The following CELSR3 variants were observed in gnomAD, a reference collection of about 807,000 sequenced individuals.
CELSR3 encodes the protein cadherin EGF LAG seven-pass G-type receptor 3.
A neutral mutation model predicts 270.0 loss-of-function variants in CELSR3; 73 were observed. The ratio of observed to expected loss-of-function variants is 0.27; its 90% CI spans 0.22 to 0.33. The LOEUF (loss-of-function observed/expected upper bound fraction) is 0.33, where lower values mean the gene tolerates loss of function less well. Ranked by LOEUF, CELSR3 falls within the 10% of genes least tolerant of loss-of-function variation. The probability of loss-of-function intolerance (pLI) is 1.00; values close to 1 mark genes in which losing one functional copy is unlikely to be tolerated. For missense variants in CELSR3, 3,614 were observed against 4,533.8 expected (o/e 0.80, Z 5.83); for synonymous variants, 1,780 against 1,905.4 (o/e 0.93, Z 1.71).
chr3:48,656,396 A>ACGCCCACGCC, intron 2 of CELSR3, 31 bp from the exon 3 acceptor site: 1 of 1,389,606 alleles, frequency 7.2e-7, no homozygotes, highest in Non-Finnish European at 9.2e-7. Flanking sequence ...AGAGGCGGTC[A>ACGCCCACGCC]CGCCCACGCC....
At position 48,652,337 on chromosome 3, in the gene CELSR3, C is replaced by G; in HGVS notation, c.5751+100G>C. The G allele has an allele frequency of 9.9e-7, 1 of 1,011,872 alleles. No homozygotes were observed. Among genetic ancestry groups the G allele is most frequent in the Non-Finnish European group, 1.6e-6 (1 of 637,096 alleles). 62.7% of individuals were successfully genotyped at this position (1,011,872 alleles called of 1,614,324 possible). ...ACTCTGGGTCATTCACCCCCTCGCA[C>G]CAACCCCCACTTGAATACTGCCTTT... is the stretch of plus-strand genomic sequence containing the variant. On this transcript the variant is annotated intron_variant, in intron 11 of 34. Transcript: ENST00000164024. The surrounding 1 kb of genome is among the most constrained non-coding windows in gnomAD (Gnocchi z 4.3).
chr3:48,648,238 G>GCCCCCCCCCCC, intron 19 of CELSR3, 28 bp downstream of exon 19: 5 of 1,342,618 alleles, frequency 3.7e-6, no homozygotes, highest in Admixed American at 1.7e-5. Context: ...CCCCTGCTGT[G>GCCCCCCCCCCC]CCCCGCCCTA....
Position 48,654,456 on chromosome 3 carries a change from G to A in CELSR3, c.4989-4C>T. ...AGGGCCCGTCAGGTCCAGGGACCTGGGGATCAGGGGTCTGGGTCATTGGTG... is the reference window on the plus strand; with the variant it reads ...AGGGCCCGTCAGGTCCAGGGACCTGAGGATCAGGGGTCTGGGTCATTGGTG... On this transcript the variant is annotated splice_region_variant and splice_polypyrimidine_tract_variant and intron_variant, in intron 6 of 34. Transcript: ENST00000164024. The surrounding 1 kb of genome is among the most constrained non-coding windows in gnomAD (Gnocchi z 5.4). 3 of 1,572,894 alleles carry A rather than the reference G, an allele frequency of 1.9e-6. No homozygotes were observed. Among genetic ancestry groups the A allele is most frequent in the Non-Finnish European group, 2.6e-6 (3 of 1,156,996 alleles).
Position 48,651,572 on chromosome 3 carries a change from CTT to C in CELSR3, c.6065+3_6065+4del. On this transcript the variant is annotated splice_donor_region_variant and intron_variant, in intron 13 of 34. Coordinates refer to ENST00000164024, the MANE Select transcript of CELSR3 (RefSeq NM_001407.3). The surrounding 1 kb of genome is among the most constrained non-coding windows in gnomAD (Gnocchi z 7.4). Reference sequence around the variant, plus strand: ...CTCCCCATCGCCTCAGCCCCAGCCTCTTACCTGTGCTCACAGTGGTGCCCGAA... The same window carrying C: ...CTCCCCATCGCCTCAGCCCCAGCCTCACCTGTGCTCACAGTGGTGCCCGAA... 6.3e-7 allele frequency: 1 copy of C among 1,580,676 alleles called. No individual in the cohort carries two copies. Among genetic ancestry groups the C allele is most frequent in the South Asian group, 1.2e-5 (1 of 86,144 alleles).
rs775682700 is a variant in CELSR3, at chr3:48,646,831, AATG to A, written c.7224_7226del (p.Ile2409del). 2 of 1,604,278 alleles carry A rather than the reference AATG, an allele frequency of 1.2e-6. No homozygotes were observed. The highest frequency in any genetic ancestry group is 3.4e-5 in the Admixed American group (2 of 58,484). On this transcript the variant is annotated inframe_deletion, in exon 21 of 35. Coordinates refer to ENST00000164024, the MANE Select transcript of CELSR3 (RefSeq NM_001407.3). The surrounding 1 kb of genome is among the most constrained non-coding windows in gnomAD (Gnocchi z 4.8). Reference sequence around the variant, plus strand: ...CCCCTAAGGTGCGGTAAACGAGGAGAATGATAATGGAGATCCCAGGCTCTGGCT... The same window carrying A: ...CCCCTAAGGTGCGGTAAACGAGGAGAATAATGGAGATCCCAGGCTCTGGCT...
Position 48,650,433 on chromosome 3 carries a change from A to AGGGGGGGGGGGGGGGGGGGGGGGGGGG in CELSR3, c.6472+46_6472+47insCCCCCCCCCCCCCCCCCCCCCCCCCCC. 7 of 927,810 alleles carry AGGGGGGGGGGGGGGGGGGGGGGGGGGG rather than the reference A, an allele frequency of 7.5e-6. No homozygotes were observed. The highest frequency in any genetic ancestry group is 3.2e-5 in the East Asian group (1 of 31,406). The allele number at this position is 927,810 out of a possible 1,614,324, so 57.5% of individuals were successfully genotyped here. On this transcript the variant is annotated intron_variant, in intron 16 of 34. Transcript: ENST00000164024. This position sits in a 1 kb window ranked among gnomAD's most constrained non-coding sequence, Gnocchi z 5.1. ...GACATGGCTCTAGCAGTCAGAGTAC[A>AGGGGGGGGGGGGGGGGGGGGGGGGGGG]GGCCCACCCCCACCCTCAGTGATGT...
rs776774321 is a variant in CELSR3 at position 48,656,809 on chromosome 3, C to T, written c.4288G>A (p.Asp1430Asn). 2 of 1,606,226 alleles carry T rather than the reference C, an allele frequency of 1.2e-6. No homozygotes were observed. The highest frequency in any genetic ancestry group is 2.7e-5 in the African/African-American group (2 of 74,858). ...RCRCPPGFTG[D>N]FCETELDLCY... Reference sequence around the variant, plus strand: ...AGGTCGAGCTCGGTCTCGCAAAAGTCTCCCGTGAATCCGGGCGGGCAGCGG... The same window carrying T: ...AGGTCGAGCTCGGTCTCGCAAAAGTTTCCCGTGAATCCGGGCGGGCAGCGG... The change falls in exon 2 of 35, where the codon GAC becomes AAC. Residue 1430 changes from aspartate to asparagine, a missense_variant. This residue lies in a region of CELSR3 where 1,331 missense variants were observed against 1,933.7 expected (regional missense o/e 0.69). Transcript: ENST00000164024.
In CELSR3 at chr3:48,662,653, GCCTCCACCGCC is replaced by G; in HGVS notation, c.-30_-20del. ...CCATCATCCCCCGCCTCCCTGCACG[GCCTCCACCGCC>G]CCCCGCCCCGGTCCGGGCCTTGGGC... On this transcript the variant is annotated 5_prime_UTR_variant, in exon 1 of 35. Transcript: ENST00000164024. This position sits in a 1 kb window ranked among gnomAD's most constrained non-coding sequence, Gnocchi z 7.1. The G allele has an allele frequency of 8.0e-7, 1 of 1,243,562 alleles. No homozygotes were observed. Among genetic ancestry groups the G allele is most frequent in the Non-Finnish European group, 1.1e-6 (1 of 939,082 alleles). 77.0% of individuals were successfully genotyped at this position (1,243,562 alleles called of 1,614,324 possible). A position where few individuals can be genotyped will look rare whatever the true frequency, so the allele number is the denominator to read the frequency against.
Position 48,652,633 on chromosome 3 carries a change from T to C in CELSR3, c.5635-80A>G. On this transcript the variant is annotated intron_variant, in intron 10 of 34. Coordinates refer to ENST00000164024, the MANE Select transcript of CELSR3 (RefSeq NM_001407.3). The surrounding 1 kb of genome is among the most constrained non-coding windows in gnomAD (Gnocchi z 4.3). ...CATAGCCCAGAGTCAGTCTTGGCCT[T>C]CTTCTAGCCCTTCTAGGCTGCCCCC... The C allele has an allele frequency of 8.8e-7, 1 of 1,142,330 alleles. No homozygotes were observed. The highest frequency in any genetic ancestry group is 1.2e-6 in the Non-Finnish European group (1 of 802,776). 70.8% of individuals were successfully genotyped at this position (1,142,330 alleles called of 1,614,324 possible). A position where few individuals can be genotyped will look rare whatever the true frequency, so the allele number is the denominator to read the frequency against.
chr3:48,658,013 C>A lies in CELSR3; in HGVS notation c.3749-665G>T, dbSNP rs1386344703. On this transcript the variant is annotated intron_variant, in intron 1 of 34. Transcript: ENST00000164024. The surrounding 1 kb of genome is among the most constrained non-coding windows in gnomAD (Gnocchi z 4.7). Reference sequence around the variant, plus strand: ...ACACCAGCATTCTTGAGTTAGCAGCCTGCTCGCCACTCCAGACCTGGGTCC... The same window carrying A: ...ACACCAGCATTCTTGAGTTAGCAGCATGCTCGCCACTCCAGACCTGGGTCC... 2.0e-5 allele frequency among the ~76,000 whole-genome samples: 3 copies of A among 152,130 alleles called. No homozygotes were observed. Among genetic ancestry groups the A allele is most frequent in the Admixed American group, 2.0e-4 (3 of 15,284 alleles).
chr3:48,659,482 G>C lies in CELSR3; in HGVS notation c.3153C>G (p.Val1051=). The C allele has an allele frequency of 6.2e-7, 1 of 1,614,232 alleles. No individual in the cohort carries two copies. The highest frequency in any genetic ancestry group is 8.5e-7 in the Non-Finnish European group (1 of 1,180,046). ...CATCCTGCACCATCACCTGGATACTGACTGGAGTCCGGAGTGGGGGCACAC... is the reference window on the plus strand; with the variant it reads ...CATCCTGCACCATCACCTGGATACTCACTGGAGTCCGGAGTGGGGGCACAC... ...DRGVPPLRTP[V]SIQVMVQDVN... The change falls in exon 1 of 35, where the codon GTC becomes GTG. Residue 1051 remains valine, a synonymous_variant. Coordinates refer to ENST00000164024, the MANE Select transcript of CELSR3 (RefSeq NM_001407.3). This position sits in a 1 kb window ranked among gnomAD's most constrained non-coding sequence, Gnocchi z 8.1.
Position 48,652,080 on chromosome 3 carries a change from C to T in CELSR3, c.5752-32G>A, listed in dbSNP as rs760359571. On this transcript the variant is annotated intron_variant, in intron 11 of 34. Coordinates refer to ENST00000164024, the MANE Select transcript of CELSR3 (RefSeq NM_001407.3). The surrounding 1 kb of genome is among the most constrained non-coding windows in gnomAD (Gnocchi z 4.3). ...ACACACAGCCAGCAAGGGGTGAGAC[C>T]ATGTTAAGGCACCTCAGCCTCAAGT... is the stretch of plus-strand genomic sequence containing the variant. 22 of 1,496,612 alleles carry T rather than the reference C, an allele frequency of 1.5e-5. No individual in the cohort carries two copies. Among genetic ancestry groups the T allele is most frequent in the Non-Finnish European group, 2.0e-5 (22 of 1,126,954 alleles). The allele number at this position is 1,496,612 out of a possible 1,614,324, so 92.7% of individuals were successfully genotyped here.
In CELSR3 at chr3:48,645,196, G is replaced by T; in HGVS notation, c.7811C>A (p.Ala2604Glu). 6.3e-7 allele frequency: 1 copy of T among 1,577,944 alleles called. No individual in the cohort carries two copies. The highest frequency in any genetic ancestry group is 8.7e-7 in the Non-Finnish European group (1 of 1,155,266). ...GAAGTAGTGCAGGAGGATGGCGACT[G>T]CAGTGCACACCAGCTGAGGGCAGGG... is the stretch of plus-strand genomic sequence containing the variant. ...HRTHNQLVCT[A>E]VAILLHYFFL... Residue 2604 changes from alanine (A) to glutamate (E), a missense_variant, in exon 25 of 35, where the codon GCA (alanine) becomes GAA (glutamate). Around this residue, in one of 7 missense-constraint regions of CELSR3, gnomAD observed 1,240 missense variants for 1,351.7 expected, o/e 0.92. Coordinates refer to ENST00000164024, the MANE Select transcript of CELSR3 (RefSeq NM_001407.3). The surrounding 1 kb of genome is among the most constrained non-coding windows in gnomAD (Gnocchi z 5.4).
Position 48,661,243 on chromosome 3 carries a change from G to C in CELSR3, c.1392C>G (p.Pro464=). ...CGAAGCGGTAGCGCAGGTTGGCGTT[G>C]GGGGGCGCGTCGCCGTCAGTGGCAC... The part of the protein sequence containing the change: ...QLRATDGDAP[P]NANLRYRFVG... Residue 464 remains proline (P), a synonymous_variant, in exon 1 of 35, where the codon CCC becomes CCG. Transcript: ENST00000164024. 1 of 1,607,942 alleles carries C rather than the reference G, an allele frequency of 6.2e-7. No individual in the cohort carries two copies. The highest frequency in any genetic ancestry group is 8.5e-7 in the Non-Finnish European group (1 of 1,176,592).
At chr3:48,648,564 C>A in intron 18 of CELSR3, 103 bp from the exon 19 acceptor site, 1 of 1,387,008 alleles carries the variant, frequency 7.2e-7, no homozygotes, top group Non-Finnish European at 9.6e-7. Context: ...GGGGCTCCAA[C>A]AGGCAAGGGG....
rs2047064530 is a variant in CELSR3 at position 48,644,852 on chromosome 3, T to A, written c.7973-24A>T. Reference sequence around the variant, plus strand: ...GCCTTGGGAAGAGAAAGGGTAGGACTGAGGGTGTGTGTTCCAGAGCTGCTG... The same window carrying A: ...GCCTTGGGAAGAGAAAGGGTAGGACAGAGGGTGTGTGTTCCAGAGCTGCTG... On this transcript the variant is annotated intron_variant, in intron 25 of 34. Transcript: ENST00000164024. The surrounding 1 kb of genome is among the most constrained non-coding windows in gnomAD (Gnocchi z 4.8). 6.3e-7 allele frequency: 1 copy of A among 1,598,554 alleles called. No homozygotes were observed. Among genetic ancestry groups the A allele is most frequent in the Non-Finnish European group, 8.6e-7 (1 of 1,168,198 alleles).
chr3:48,662,375 C>T lies in CELSR3; in HGVS notation c.260G>A (p.Gly87Glu), dbSNP rs1421920109. Reference protein sequence around the residue: ...GLGVREPIFVGLRGRRQSARN... With the variant: ...GLGVREPIFVELRGRRQSARN... ...GGCGCTTTGCCTTCTCCCTCGGAGC[C>T]CCACGAAGATAGGCTCCCTGACCCC... The change falls in exon 1 of 35, where the codon GGG becomes GAG. Residue 87 changes from glycine to glutamate, a missense_variant. Physicochemically the swap from Gly to Glu is moderately conservative, Grantham distance 98. This residue lies in a region of CELSR3 where 470 missense variants were observed against 469.7 expected (regional missense o/e 1.00). Transcript: ENST00000164024. This position sits in a 1 kb window ranked among gnomAD's most constrained non-coding sequence, Gnocchi z 7.1. 6.2e-7 allele frequency: 1 copy of T among 1,613,042 alleles called. No homozygotes were observed. The highest frequency in any genetic ancestry group is 1.1e-5 in the South Asian group (1 of 91,084).
In CELSR3 at chr3:48,657,543, G is replaced by A. The variant is rs568745002; in HGVS notation, c.3749-195C>T. Among the ~76,000 whole-genome samples the A allele has an allele frequency of 6.6e-6, 1 of 152,288 alleles. No individual in the cohort carries two copies. The highest frequency in any genetic ancestry group is 1.5e-5 in the Non-Finnish European group (1 of 68,018). On this transcript the variant is annotated intron_variant, in intron 1 of 34. Coordinates refer to ENST00000164024, the MANE Select transcript of CELSR3 (RefSeq NM_001407.3). This position sits in a 1 kb window ranked among gnomAD's most constrained non-coding sequence, Gnocchi z 5.4. ...AGCATCAAGGTGTCAAAAAGCTGCTGCTTCCTCCCCCAATCCCCAATACAC... is the reference window on the plus strand; with the variant it reads ...AGCATCAAGGTGTCAAAAAGCTGCTACTTCCTCCCCCAATCCCCAATACAC...
Position 48,655,404 on chromosome 3 carries a change from A to C in CELSR3, c.4742-10T>G. ...ACGGTGTTGGATTCACCTGGAGGGG[A>C]GATGCATGTGGAATCATCAGGAGCA... is the stretch of plus-strand genomic sequence containing the variant. On this transcript the variant is annotated splice_polypyrimidine_tract_variant and intron_variant, in intron 4 of 34. Transcript: ENST00000164024. This position sits in a 1 kb window ranked among gnomAD's most constrained non-coding sequence, Gnocchi z 5.8. 1 of 1,613,818 alleles carries C rather than the reference A, an allele frequency of 6.2e-7. No homozygotes were observed. Among genetic ancestry groups the C allele is most frequent in the Non-Finnish European group, 8.5e-7 (1 of 1,179,806 alleles).
Sources: allele counts gnomAD v4.1 joint callset (sites outside exome capture counted in the v4.1 genomes callset), GRCh38; gene constraint gnomAD v4.1.1; regional missense constraint gnomAD v4.1.1; non-coding constraint Gnocchi (gnomAD v3.1); transcripts MANE v1.5; gene names NCBI Gene and HGNC (gene_info 2026-07-23, HGNC 2026-07-21).